Variants in RUBCN observed in about 807,000 individuals in gnomAD.
The protein encoded by RUBCN is rubicon autophagy regulator, also known as run domain Beclin-1-interacting and cysteine-rich domain-containing protein.
Under a neutral mutation model 113.2 loss-of-function variants are expected in RUBCN, and 74 were observed. That is an observed-to-expected ratio of 0.65 (90% CI 0.54 to 0.79). RUBCN has a LOEUF of 0.79. Among genes scored for constraint, RUBCN ranks in the 30% least tolerant of loss-of-function variants. The pLI is 0.00. For missense variants in RUBCN, 1,109 were observed against 1,251.7 expected (o/e 0.89, Z 1.72); for synonymous variants, 480 against 490.0 (o/e 0.98, Z 0.27).
intron 13 of RUBCN, 123 bp from the exon 14 acceptor site, chr3:197,682,738 G>A (rs948155434): frequency 1.0e-5 from 13 of 1,300,546 alleles, no homozygotes; most frequent in Middle Eastern, 2.4e-4. Flanking sequence ...TCACACGGAC[G>A]GGCTTGAGAA....
At chr3:197,711,888 C>T (rs1478673476) in intron 2 of RUBCN, among the ~76,000 whole-genome samples, 1 of 151,846 alleles carries the variant, frequency 6.6e-6, no homozygotes, top group Non-Finnish European at 1.5e-5. Flanking sequence ...CACATAAATA[C>T]ATAGAAAAAA....
intron 7 of RUBCN, among the ~76,000 whole-genome samples, chr3:197,699,646 C>A (rs182849597): frequency 8.3e-4 from 127 of 152,170 alleles, no homozygotes; most frequent in African/African-American, 2.9e-3. Flanking sequence ...TTCTTCTCCT[C>A]AAGATTTCCA....
chr3:197,718,060 T>C lies in RUBCN; in HGVS notation c.136A>G (p.Asn46Asp), dbSNP rs1294093899. Residue 46 changes from asparagine to aspartate, a missense_variant, in exon 2 of 20, where the codon AAC becomes GAC. Around this residue, in one of 3 missense-constraint regions of RUBCN, gnomAD observed 736 missense variants for 779.6 expected, o/e 0.94. Transcript: ENST00000296343. ...VEGLVSTNSPNVWSKYGGLER... is the reference protein window; with the variant it reads ...VEGLVSTNSPDVWSKYGGLER... ...AAGCCACCATACTTAGACCAGACGT[T>C]GGGGCTGTTGGTTGATACCAAACCC... 4 of 1,614,224 alleles carry C rather than the reference T, an allele frequency of 2.5e-6. No individual in the cohort carries two copies. The highest frequency in any genetic ancestry group is 3.4e-6 in the Non-Finnish European group (4 of 1,180,046).
At chr3:197,745,638 C>G (rs1035256162) in intron 1 of RUBCN, among the ~76,000 whole-genome samples, 3 of 147,990 alleles carry the variant, frequency 2.0e-5, no homozygotes, top group African/African-American at 7.4e-5. Flanking sequence ...GCAAATCAAA[C>G]TGATAAAAAG....
intron 1 of RUBCN, among the ~76,000 whole-genome samples, chr3:197,745,747 T>C (rs1728717003): frequency 1.3e-5 from 2 of 151,176 alleles, no homozygotes; most frequent in African/African-American, 4.9e-5. Context: ...CAGAAAACTA[T>C]GAGGTTGAGC....
Position 197,703,397 on chromosome 3 carries a change from C to CAAAAAA in RUBCN, c.570+145_570+150dup, listed in dbSNP as rs1165064210. ...TGGGAAACAGAGCGAGACTCTGTCT[C>CAAAAAA]AAAAAAAAAAAAAAAAAAAAAAAAA... is the stretch of plus-strand genomic sequence containing the variant. On this transcript the variant is annotated intron_variant, in intron 5 of 19. Coordinates refer to ENST00000296343, the MANE Select transcript of RUBCN (RefSeq NM_014687.4). 6.9e-4 allele frequency: 107 copies of CAAAAAA among 155,810 alleles called. 1 individual carries two copies. The highest frequency in any genetic ancestry group is 8.4e-4 in the Admixed American group (7 of 8,308). The allele number at this position is 155,810 out of a possible 1,614,324, so 9.7% of individuals were successfully genotyped here.
chr3:197,675,160 G>C lies in RUBCN; in HGVS notation c.2777C>G (p.Ser926Cys). ...CCGCTCGCAGCGCGGACAGCTTCCA[G>C]ACTTGAAGCAGGCTTTATGGTAACA... is the stretch of plus-strand genomic sequence containing the variant. ...KACYHKACFK[S>C]GSCPRCERLQ... Residue 926 changes from serine to cysteine, a missense_variant, in exon 20 of 20, where the codon TCT becomes TGT. Around this residue, in one of 3 missense-constraint regions of RUBCN, gnomAD observed 306 missense variants for 348.9 expected, o/e 0.88. Coordinates refer to ENST00000296343, the MANE Select transcript of RUBCN (RefSeq NM_014687.4). This position sits in a 1 kb window ranked among gnomAD's most constrained non-coding sequence, Gnocchi z 4.4. 2 of 1,614,116 alleles carry C rather than the reference G, an allele frequency of 1.2e-6. No individual in the cohort carries two copies. Among genetic ancestry groups the C allele is most frequent in the Non-Finnish European group, 1.7e-6 (2 of 1,180,042 alleles).
intron 9 of RUBCN, 66 bp from the exon 10 acceptor site, chr3:197,694,651 G>T: frequency 1.4e-6 from 2 of 1,403,896 alleles, no homozygotes; most frequent in Non-Finnish European, 2.0e-6. Context: ...TCATTATAAT[G>T]TGGAAAAGGG....
chr3:197,747,396 T>C (rs1256857106), intron 1 of RUBCN, among the ~76,000 whole-genome samples: 1 of 151,942 alleles, frequency 6.6e-6, no homozygotes, highest in African/African-American at 2.4e-5. Flanking sequence ...GAATCTTTTT[T>C]TTTTTTTTAA....
At chr3:197,749,651 G>T (rs1580435883) in exon 1 of RUBCN, 2 of 853,596 alleles carry the variant, frequency 2.3e-6, no homozygotes, top group East Asian at 9.3e-5. Flanking sequence ...AGATTCAGAG[G>T]TGCCCGCGGT....
At chr3:197,745,072 G>A (rs1728679173) in intron 1 of RUBCN, among the ~76,000 whole-genome samples, 1 of 150,512 alleles carries the variant, frequency 6.6e-6, no homozygotes, top group Non-Finnish European at 1.5e-5. Context: ...AGATCACAAA[G>A]TCAAGAGATC....
In RUBCN at chr3:197,688,623, A is replaced by G. The variant is rs115181395; in HGVS notation, c.1787-4406T>C. On this transcript the variant is annotated intron_variant, in intron 11 of 19. Transcript: ENST00000296343. ...AAGGAAGATAAAGAAAAATTGATGC[A>G]GCTATAATAGAAGAAGATGGAGATG... Among the ~76,000 whole-genome samples, 1,448 of 152,372 alleles carry G rather than the reference A, an allele frequency of 9.5e-3. 12 individuals carry two copies. The highest frequency in any genetic ancestry group is 0.025 in the African/African-American group (1,048 of 41,594).
intron 1 of RUBCN, among the ~76,000 whole-genome samples, chr3:197,743,052 CA>C (rs1366544978): frequency 6.6e-6 from 1 of 152,174 alleles, no homozygotes; most frequent in Non-Finnish European, 1.5e-5. Context: ...TTCCCTTGTC[CA>C]CCCAGAGCAG....
At position 197,675,373 on chromosome 3, in the gene RUBCN, G is replaced by A. The variant is rs748102671; in HGVS notation, c.2740+49C>T. The stretch of plus-strand genomic sequence containing the variant: ...AACAGGGGTGGCTCTGGGGAATCAA[G>A]GAGCCCTGTGTTCAGGCTCACTTGC... On this transcript the variant is annotated intron_variant, in intron 19 of 19. Transcript: ENST00000296343. This position sits in a 1 kb window ranked among gnomAD's most constrained non-coding sequence, Gnocchi z 4.4. 6.4e-6 allele frequency: 10 copies of A among 1,555,290 alleles called. No individual in the cohort carries two copies. In the African/African-American group the frequency reaches 9.5e-5, roughly 15 times the overall value.
intron 10 of RUBCN, 194 bp downstream of exon 10, chr3:197,694,181 C>G (rs1580222058): frequency 1.4e-6 from 1 of 706,790 alleles, no homozygotes; most frequent in Non-Finnish European, 2.6e-6. Flanking sequence ...GTGAGCCACT[C>G]TGCCTGGCCT....
At chr3:197,743,041 G>C (rs1728590816) in intron 1 of RUBCN, among the ~76,000 whole-genome samples, 1 of 152,170 alleles carries the variant, frequency 6.6e-6, no homozygotes, top group African/African-American at 2.4e-5. Context: ...TCCCCTTCAA[G>C]TTCCCTTGTC....
chr3:197,674,909 A>AAG lies in RUBCN; in HGVS notation c.*108_*109insCT. The AAG allele has an allele frequency of 1.5e-5, 2 of 134,674 alleles. No individual in the cohort carries two copies. Among genetic ancestry groups the AAG allele is most frequent in the South Asian group, 1.5e-4 (1 of 6,892 alleles). The allele number at this position is 134,674 out of a possible 1,614,324, so 8.3% of individuals were successfully genotyped here. ...AAAAAAAAAAAAGATGATGATAATT[A>AAG]AAAAAAAAAAAAAAAAAAGAAGCCC... On this transcript the variant is annotated 3_prime_UTR_variant, in exon 20 of 20. Coordinates refer to ENST00000296343, the MANE Select transcript of RUBCN (RefSeq NM_014687.4).
chr3:197,737,512 G>A (rs1217786061), upstream of RUBCN, among the ~76,000 whole-genome samples: 1 of 151,902 alleles, frequency 6.6e-6, no homozygotes, highest in South Asian at 2.1e-4. Flanking sequence ...GCAGATACAA[G>A]GAAGGAAGTG....
At chr3:197,703,876 A>G (rs1216717410) in intron 4 of RUBCN, among the ~76,000 whole-genome samples, 6 of 152,140 alleles carry the variant, frequency 3.9e-5, no homozygotes, top group Non-Finnish European at 7.3e-5. Flanking sequence ...GCTCTGAGTG[A>G]CTTTGGCCAA....
Sources: gnomAD v4.1 joint callset for allele counts (sites outside exome capture counted in the v4.1 genomes callset) on GRCh38, gnomAD v4.1.1 for gene constraint, gnomAD v4.1.1 regional missense constraint, Gnocchi (gnomAD v3.1) non-coding constraint, MANE v1.5 for transcripts, NCBI Gene and HGNC (gene_info 2026-07-23, HGNC 2026-07-21) for gene names.